Variants in COL14A1 observed in about 807,000 individuals in gnomAD.
COL14A1 encodes the protein collagen type XIV alpha 1 chain, also known as collagen alpha-1(XIV) chain.
A neutral mutation model predicts 230.3 loss-of-function variants in COL14A1; 136 were observed. That is an observed-to-expected ratio of 0.59 (90% CI 0.51 to 0.68). The LOEUF is 0.68. Among genes scored for constraint, COL14A1 ranks in the 30% least tolerant of loss-of-function variants. COL14A1 has a pLI of 0.00. For synonymous variants in COL14A1, 792 were observed against 784.1 expected, an observed-to-expected ratio of 1.01 and a Z score of -0.17; for missense variants, 1,976 against 2,215.8, an observed-to-expected ratio of 0.89 and a Z score of 2.17.
rs962510256 is a variant in COL14A1, at chr8:120,224,023, CTT to C, written c.1738-1045_1738-1044del. Among the ~76,000 whole-genome samples, 18 of 78,280 alleles carry C rather than the reference CTT, an allele frequency of 2.3e-4. No individual in the cohort carries two copies. In the East Asian group the frequency reaches 8.0e-3, roughly 35 times the overall value. The allele number at this position is 78,280 out of a possible 152,430, so 51.4% of individuals were successfully genotyped here. On this transcript the variant is annotated intron_variant, in intron 14 of 47. Transcript: ENST00000297848. ...GCCTTCTAGACCCTGCCCTCATCTC[CTT>C]TTTTTTTTTTTTTTTTTTTGAGACA...
intron 5 of COL14A1, among the ~76,000 whole-genome samples, chr8:120,180,055 T>G (rs1000374319): frequency 5.9e-5 from 9 of 152,064 alleles, no homozygotes; most frequent in African/African-American, 1.4e-4. Context: ...TCAAGATGGG[T>G]TAAAGACTTA....
intron 45 of COL14A1, among the ~76,000 whole-genome samples, chr8:120,362,324 A>G (rs1823247351): frequency 6.6e-6 from 1 of 152,194 alleles, no homozygotes; most frequent in Non-Finnish European, 1.5e-5. Flanking sequence ...TGTTCATGTG[A>G]AGCAGCTGGC....
At chr8:120,237,691 A>C (rs1818490303) in intron 19 of COL14A1, among the ~76,000 whole-genome samples, 2 of 152,088 alleles carry the variant, frequency 1.3e-5, no homozygotes, top group Non-Finnish European at 2.9e-5. Flanking sequence ...GAGAAGGGGC[A>C]TTCTGGTTTT....
chr8:120,361,156 C>A (rs1161913266), intron 45 of COL14A1, among the ~76,000 whole-genome samples: 1 of 152,106 alleles, frequency 6.6e-6, no homozygotes, highest in African/African-American at 2.4e-5. Context: ...GGTTTCTAAG[C>A]TTTTCCATCA....
At chr8:120,164,362 A>G (rs982191459) in intron 4 of COL14A1, among the ~76,000 whole-genome samples, 1 of 152,136 alleles carries the variant, frequency 6.6e-6, no homozygotes, top group African/African-American at 2.4e-5. Flanking sequence ...GGTGGTGGGT[A>G]TGGAACTTTT....
intron 7 of COL14A1, among the ~76,000 whole-genome samples, 165 bp downstream of exon 7, chr8:120,198,095 A>G (rs1232169846): frequency 6.6e-6 from 1 of 152,178 alleles, no homozygotes; most frequent in African/African-American, 2.4e-5. Context: ...TAAAAGCCAG[A>G]TATCTCATTC....
intron 23 of COL14A1, among the ~76,000 whole-genome samples, chr8:120,255,848 T>G (rs1819133570): frequency 6.6e-6 from 1 of 152,024 alleles, no homozygotes; most frequent in African/African-American, 2.4e-5. Flanking sequence ...TTAATGTATC[T>G]ACAGCATCAT....
intron 5 of COL14A1, among the ~76,000 whole-genome samples, chr8:120,192,082 G>A (rs1275325641): frequency 6.6e-6 from 1 of 151,972 alleles, no homozygotes; most frequent in Non-Finnish European, 1.5e-5. Flanking sequence ...ATTTGATCCT[G>A]TCATTATGAT....
In COL14A1 at chr8:120,332,716, A is replaced by G; in HGVS notation, c.4766A>G (p.Gln1589Arg). The G allele has an allele frequency of 6.2e-7, 1 of 1,613,286 alleles. No homozygotes were observed. The highest frequency in any genetic ancestry group is 1.1e-5 in the South Asian group (1 of 90,988). Residue 1589 changes from glutamine (Q) to arginine (R), a missense_variant, in exon 42 of 48, where the codon CAA becomes CGA. Gln to Arg is a conservative substitution (Grantham distance 43). Around this residue, in one of 3 missense-constraint regions of COL14A1, gnomAD observed 1,791 missense variants for 2,019.5 expected, o/e 0.89. Transcript: ENST00000297848. ...GGGATCACAGGAAGCATGGGACCGC[A>G]AGGCGCCCTGGGACCACCTGTGAGT... ...VPGITGSMGP[Q>R]GALGPPGVPG... is the part of the protein sequence containing the mutation.
intron 4 of COL14A1, among the ~76,000 whole-genome samples, chr8:120,166,229 A>G (rs1319752084): frequency 6.6e-6 from 1 of 152,184 alleles, no homozygotes; most frequent in Non-Finnish European, 1.5e-5. Flanking sequence ...GCAGTTGTTT[A>G]AGGCAGATAT....
At chr8:120,281,562 CT>C (rs200840805) in intron 31 of COL14A1, among the ~76,000 whole-genome samples, 1 of 85,452 alleles carries the variant, frequency 1.2e-5, no homozygotes, top group African/African-American at 7.3e-5. Context: ...AAGACCCCGT[CT>C]TTAAAAAAAA....
intron 24 of COL14A1, among the ~76,000 whole-genome samples, chr8:120,264,050 C>T (rs1160464680): frequency 6.6e-6 from 1 of 152,058 alleles, no homozygotes; most frequent in African/African-American, 2.4e-5. Context: ...TGAGTTGTAT[C>T]AGCATCCCTA....
chr8:120,344,053 G>C (rs1460205099), intron 44 of COL14A1, among the ~76,000 whole-genome samples: 1 of 152,150 alleles, frequency 6.6e-6, no homozygotes, highest in Non-Finnish European at 1.5e-5. Flanking sequence ...CGAATTCTCA[G>C]AGTCTTGTGA....
intron 45 of COL14A1, 127 bp from the exon 46 acceptor site, chr8:120,367,044 C>A (rs1002690314): frequency 3.0e-5 from 19 of 641,930 alleles, no homozygotes; most frequent in Non-Finnish European, 4.3e-5. Flanking sequence ...CCATGGTACT[C>A]ATAACCCCAA....
chr8:120,247,824 G>T, intron 21 of COL14A1, 89 bp downstream of exon 21: 2 of 1,457,288 alleles, frequency 1.4e-6, no homozygotes, highest in Non-Finnish European at 1.9e-6. Context: ...AACACCTTAT[G>T]TTTGGTTGTA....
rs900646453 is a variant in COL14A1 at position 120,371,403 on chromosome 8, A to G, written c.*172A>G. 3 of 388,168 alleles carry G rather than the reference A, an allele frequency of 7.7e-6. No homozygotes were observed. The highest frequency in any genetic ancestry group is 6.2e-5 in the African/African-American group (3 of 48,420). 24.0% of individuals were successfully genotyped at this position (388,168 alleles called of 1,614,324 possible). ...TATTATTATTATTAACAAAAAATAT[A>G]TATTTTTAAAAAGTTCCCTTAATCT... is the stretch of plus-strand genomic sequence containing the variant. On this transcript the variant is annotated 3_prime_UTR_variant, in exon 48 of 48. Coordinates refer to ENST00000297848, the MANE Select transcript of COL14A1 (RefSeq NM_021110.4).
intron 24 of COL14A1, among the ~76,000 whole-genome samples, chr8:120,265,222 G>A (rs1209745999): frequency 6.6e-6 from 1 of 152,106 alleles, no homozygotes; most frequent in Non-Finnish European, 1.5e-5. Context: ...TAATCTGGCT[G>A]CCATACTCTC....
intron 23 of COL14A1, among the ~76,000 whole-genome samples, chr8:120,259,806 C>A (rs1212421658): frequency 1.3e-5 from 2 of 152,052 alleles, no homozygotes; most frequent in Admixed American, 6.6e-5. Context: ...GTATGATCCA[C>A]GCATAAAATT....
At chr8:120,189,882 C>T (rs1314979288) in intron 5 of COL14A1, among the ~76,000 whole-genome samples, 10 of 151,898 alleles carry the variant, frequency 6.6e-5, no homozygotes, top group African/African-American at 2.4e-4. Context: ...TCCAGTCTAT[C>T]ATTGTTGGAC....
Sources: allele counts gnomAD v4.1 joint callset (sites outside exome capture counted in the v4.1 genomes callset), GRCh38; gene constraint gnomAD v4.1.1; regional missense constraint gnomAD v4.1.1; transcripts MANE v1.5; gene names NCBI Gene and HGNC (gene_info 2026-07-23, HGNC 2026-07-21).